Variants in CFAP46 observed in about 807,000 individuals in gnomAD.
The protein encoded by CFAP46 is cilia- and flagella-associated protein 46.
In CFAP46, 245 loss-of-function variants were observed where a neutral mutation model predicts 325.7. The observed-to-expected ratio is 0.75, with a 90% CI of 0.68 to 0.84. The LOEUF (loss-of-function observed/expected upper bound fraction) is 0.84, where lower values mean the gene tolerates loss of function less well. Ranked by LOEUF, CFAP46 falls within the 40% of genes least tolerant of loss-of-function variation. CFAP46 has a pLI of 0.00. For missense variants in CFAP46, 3,346 were observed against 3,543.0 expected (o/e 0.94, Z 1.41); for synonymous variants, 1,523 against 1,495.9 (o/e 1.02, Z -0.42).
At chr10:132,880,823 G>A (rs1182841624) in intron 28 of CFAP46, 38 bp downstream of exon 28, 76 of 1,531,510 alleles carry the variant, frequency 5.0e-5, no homozygotes, top group Middle Eastern at 4.4e-4. Flanking sequence ...TCTGGGGAGC[G>A]GCGTGGGGTC....
rs546447611 is a variant in CFAP46 at position 132,816,171 on chromosome 10, G to A, written c.7118-1257C>T. ...TTCAAAGTTGCTCGGGGACTTCCGGGTTCTCCTGTCGCTGCTGGTGCGTCG... is the reference window on the plus strand; with the variant it reads ...TTCAAAGTTGCTCGGGGACTTCCGGATTCTCCTGTCGCTGCTGGTGCGTCG... On this transcript the variant is annotated intron_variant, in intron 50 of 57. Coordinates refer to ENST00000368586, the MANE Select transcript of CFAP46 (RefSeq NM_001200049.3). Among the ~76,000 whole-genome samples the A allele has an allele frequency of 2.6e-5, 4 of 151,882 alleles. No individual in the cohort carries two copies. The South Asian group carries it at 8.4e-4, about 32-fold the overall frequency.
In CFAP46 at chr10:132,836,826, G is replaced by A. The variant is rs764266474; in HGVS notation, c.6527C>T (p.Ser2176Leu). 1.2e-6 allele frequency: 2 copies of A among 1,613,450 alleles called. No homozygotes were observed. Among genetic ancestry groups the A allele is most frequent in the Non-Finnish European group, 1.7e-6 (2 of 1,179,728 alleles). The change falls in exon 45 of 58, where the codon TCA (serine) becomes TTA (leucine). Residue 2176 changes from serine to leucine, a missense_variant. Ser to Leu is a moderately radical substitution (Grantham distance 145, BLOSUM62 -2). Coordinates refer to ENST00000368586, the MANE Select transcript of CFAP46 (RefSeq NM_001200049.3). Reference sequence around the variant, plus strand: ...GAAGGAGCGGCTTTACCTGTCCCCTGAGAGGTGCAGAAAGAGGATCCAAAA... The same window carrying A: ...GAAGGAGCGGCTTTACCTGTCCCCTAAGAGGTGCAGAAAGAGGATCCAAAA... ...PTFWILFLHL[S>L]GDRSRLYGAA...
chr10:132,861,883 AC>A (rs1848726019), intron 35 of CFAP46, among the ~76,000 whole-genome samples: 2 of 152,056 alleles, frequency 1.3e-5, no homozygotes, highest in Non-Finnish European at 2.9e-5. Flanking sequence ...AGCTGGGGCT[AC>A]CCGCCGCCAG....
At position 132,860,521 on chromosome 10, in the gene CFAP46, C is replaced by T. The variant is rs1848705856; in HGVS notation, c.5094G>A (p.Val1698=). 4 of 1,547,350 alleles carry T rather than the reference C, an allele frequency of 2.6e-6. No homozygotes were observed. Among genetic ancestry groups the T allele is most frequent in the Admixed American group, 2.0e-5 (1 of 51,006 alleles). Residue 1698 remains valine, a splice_region_variant and synonymous_variant, in exon 37 of 58, where the codon GTG becomes GTA. Coordinates refer to ENST00000368586, the MANE Select transcript of CFAP46 (RefSeq NM_001200049.3). ...SMEHSGREAT[V]CHIFQKLINA... ...TGATGAGCTTCTGAAATATGTGACA[C>T]ACCTGAGGACAGGCAGGGGTGGATA...
intron 43 of CFAP46, among the ~76,000 whole-genome samples, chr10:132,846,565 C>A (rs528142320): frequency 6.6e-6 from 1 of 151,046 alleles, no homozygotes; most frequent in African/African-American, 2.4e-5. Flanking sequence ...CGTGTCTGCC[C>A]GATCCTCTGT....
At chr10:132,916,266 T>C in intron 17 of CFAP46, among the ~76,000 whole-genome samples, 1 of 152,168 alleles carries the variant, frequency 6.6e-6, no homozygotes, top group Non-Finnish European at 1.5e-5. Context: ...AGAGGGACAC[T>C]ACAGGACGCT....
rs1443074170 is a variant in CFAP46 at position 132,922,659 on chromosome 10, C to T, written c.1306G>A (p.Glu436Lys). The T allele has an allele frequency of 3.9e-6, 6 of 1,549,860 alleles. No homozygotes were observed. In the African/African-American group the frequency reaches 5.5e-5, roughly 14 times the overall value. The change falls in exon 12 of 58, where the codon GAG becomes AAG. Residue 436 changes from glutamate (E) to lysine (K), a missense_variant. Transcript: ENST00000368586. ...CQVHMEMAQI[E>K]EDEDRLEPAT... The stretch of plus-strand genomic sequence containing the variant: ...GGCTCCAGCCGGTCCTCGTCCTCCT[C>T]GATCTGCGCCATCTCCATGTGCACT...
chr10:132,860,602 G>T, intron 36 of CFAP46, 79 bp from the exon 37 acceptor site: 1 of 1,230,858 alleles, frequency 8.1e-7, no homozygotes, highest in Non-Finnish European at 1.2e-6. Flanking sequence ...GGGCGGGCAG[G>T]GACAGATACG....
rs144678283 is a variant in CFAP46, at chr10:132,874,747, A to G, written c.4363-1923T>C. Among the ~76,000 whole-genome samples the G allele has an allele frequency of 8.6e-3, 1,257 of 146,520 alleles. 16 individuals carry two copies. Among genetic ancestry groups the G allele is most frequent in the South Asian group, 0.025 (111 of 4,438 alleles). Reference sequence around the variant, plus strand: ...AAAGCATTCATGACTAAAATTATTAACGAATAGAAATAAACTTCCTTCATC... The same window carrying G: ...AAAGCATTCATGACTAAAATTATTAGCGAATAGAAATAAACTTCCTTCATC... On this transcript the variant is annotated intron_variant, in intron 31 of 57. Coordinates refer to ENST00000368586, the MANE Select transcript of CFAP46 (RefSeq NM_001200049.3).
At chr10:132,810,707 G>A in intron 56 of CFAP46, 1 of 730,606 alleles carries the variant, frequency 1.4e-6, no homozygotes. Context: ...CTCCTCCAGG[G>A]ACAGCTGTGA....
Position 132,847,193 on chromosome 10 carries a change from G to A in CFAP46, c.6081C>T (p.Asp2027=), listed in dbSNP as rs1848452816. 4.3e-6 allele frequency: 7 copies of A among 1,611,898 alleles called. No individual in the cohort carries two copies. In the East Asian group the frequency reaches 1.6e-4, roughly 36 times the overall value. Residue 2027 remains aspartate (D), a synonymous_variant, in exon 42 of 58, where the codon GAC becomes GAT. Coordinates refer to ENST00000368586, the MANE Select transcript of CFAP46 (RefSeq NM_001200049.3). This position sits in a 1 kb window ranked among gnomAD's most constrained non-coding sequence, Gnocchi z 5.2. ...GCAGGAGGGGCAGCCGCACCTTCAG[G>A]TCCTCGCCTCTCCTGCAGTGCTCCT... The part of the protein sequence containing the change: ...APEEHCRRGE[D]LKRRMVLAQQ...
chr10:132,859,013 C>T (rs1034748290), intron 38 of CFAP46, 58 bp downstream of exon 38: 7 of 1,500,662 alleles, frequency 4.7e-6, no homozygotes, highest in Non-Finnish European at 6.3e-6. Flanking sequence ...TGGCGCTGGG[C>T]GTGTTGTGTG....
intron 51 of CFAP46, 31 bp from the exon 52 acceptor site, chr10:132,814,777 A>AG (rs772858339): frequency 1.4e-5 from 23 of 1,613,306 alleles, no homozygotes; most frequent in Non-Finnish European, 1.7e-5. Context: ...CAGCAGGTGC[A>AG]GGGGCCAGGA....
Position 132,877,979 on chromosome 10 carries a change from CT to C in CFAP46, c.4113del (p.Glu1372ArgfsTer48). ...PKKEKENERS[K>X]EKEKERSKEK... ...TCTTTACTCCTCTCCTTCTCCTTCT[CT>C]TTACTCCTCTCATTCTCCTTCTCTT... On this transcript the variant is annotated frameshift_variant, in exon 30 of 58. Transcript: ENST00000368586. LOFTEE classifies it high-confidence loss of function. The surrounding 1 kb of genome is among the most constrained non-coding windows in gnomAD (Gnocchi z 5.7). 1 of 1,550,614 alleles carries C rather than the reference CT, an allele frequency of 6.4e-7. No homozygotes were observed. The highest frequency in any genetic ancestry group is 8.7e-7 in the Non-Finnish European group (1 of 1,147,012).
At chr10:132,942,333 T>C (rs1850118693) in intron 1 of CFAP46, 103 bp downstream of exon 1, 1 of 1,030,968 alleles carries the variant, frequency 9.7e-7, no homozygotes, top group Non-Finnish European at 1.3e-6. Context: ...GGATCACCCA[T>C]TGGGCGGGCT....
rs1388408790 is a variant in CFAP46, at chr10:132,914,023, C to T, written c.2121-765G>A. Among the ~76,000 whole-genome samples the T allele has an allele frequency of 2.6e-5, 4 of 151,540 alleles. No individual in the cohort carries two copies. The South Asian group carries it at 8.3e-4, about 31-fold the overall frequency. On this transcript the variant is annotated intron_variant, in intron 17 of 57. Transcript: ENST00000368586. The stretch of plus-strand genomic sequence containing the variant: ...CCGCTCACCCCTGCAAACCTCTGGC[C>T]CCCGCCCCGAGGCTGTGTCCAGCCA...
In CFAP46 at chr10:132,898,422, T is replaced by G. The variant is rs561641098; in HGVS notation, c.3219+537A>C. On this transcript the variant is annotated intron_variant, in intron 24 of 57. Coordinates refer to ENST00000368586, the MANE Select transcript of CFAP46 (RefSeq NM_001200049.3). ...ATGCCTAGCCTCCCTCCAACAGCCC[T>G]AGAAGGAGGTGCACTCTTGGGTCCA... The G allele has an allele frequency of 2.8e-4, 71 of 252,850 alleles. No homozygotes were observed. The Admixed American group carries it at 3.3e-3, about 12-fold the overall frequency. The allele number at this position is 252,850 out of a possible 1,614,324, so 15.7% of individuals were successfully genotyped here.
intron 19 of CFAP46, among the ~76,000 whole-genome samples, chr10:132,910,722 C>T (rs986626272): frequency 1.3e-5 from 2 of 152,236 alleles, no homozygotes; most frequent in Admixed American, 6.5e-5. Flanking sequence ...GCCTTGTGAA[C>T]ACCTGCTCCT....
At chr10:132,836,330 G>T in intron 45 of CFAP46, 112 bp from the exon 46 acceptor site, 2 of 970,436 alleles carry the variant, frequency 2.1e-6, no homozygotes, top group South Asian at 1.4e-5. Flanking sequence ...TGCAGACCAT[G>T]GACGCCCAGC....
Sources: gnomAD v4.1 joint callset for allele counts (sites outside exome capture counted in the v4.1 genomes callset) on GRCh38, gnomAD v4.1.1 for gene constraint, Gnocchi (gnomAD v3.1) non-coding constraint, MANE v1.5 for transcripts, NCBI Gene and HGNC (gene_info 2026-07-23, HGNC 2026-07-21) for gene names.